Variants in HS3ST3B1 observed in about 807,000 individuals in gnomAD.
HS3ST3B1 encodes the protein heparan sulfate-glucosamine 3-sulfotransferase 3B1.
A neutral mutation model predicts 21.3 loss-of-function variants in HS3ST3B1; 13 were observed. The observed-to-expected ratio is 0.61, with a 90% CI of 0.40 to 0.97. The LOEUF (loss-of-function observed/expected upper bound fraction) is 0.97, where lower values mean the gene tolerates loss of function less well. Ranked by LOEUF, HS3ST3B1 falls within the 50% of genes least tolerant of loss-of-function variation. HS3ST3B1 has a pLI of 0.00. For missense variants in HS3ST3B1, 459 were observed against 554.8 expected, an observed-to-expected ratio of 0.83 and a Z score of 1.73; for synonymous variants, 234 against 254.8, an observed-to-expected ratio of 0.92 and a Z score of 0.78.
In HS3ST3B1 at chr17:14,313,098, GT is replaced by G. The variant is rs1909366158; in HGVS notation, c.554+11027del. Among the ~76,000 whole-genome samples the G allele has an allele frequency of 4.8e-5, 3 of 62,352 alleles. No individual in the cohort carries two copies. In the South Asian group the frequency reaches 2.4e-3, roughly 50 times the overall value. The allele number at this position is 62,352 out of a possible 152,430, so 40.9% of individuals were successfully genotyped here. A position where few individuals can be genotyped will look rare whatever the true frequency, so the allele number is the denominator to read the frequency against. ...ATTATTGTGTGTGTGTGTGTGGTGTGTGTGTGTGTGTATATATATATATATG... is the reference window on the plus strand; with the variant it reads ...ATTATTGTGTGTGTGTGTGTGGTGTGGTGTGTGTGTATATATATATATATG... On this transcript the variant is annotated intron_variant, in intron 1 of 1. Transcript: ENST00000360954.
intron 1 of HS3ST3B1, among the ~76,000 whole-genome samples, chr17:14,335,925 A>G (rs892596466): frequency 1.3e-5 from 2 of 152,236 alleles, no homozygotes; most frequent in African/African-American, 4.8e-5. Context: ...GCATTTGTCA[A>G]AATTCTTGGA....
At chr17:14,316,908 C>T (rs1004221788) in intron 1 of HS3ST3B1, among the ~76,000 whole-genome samples, 2 of 152,254 alleles carry the variant, frequency 1.3e-5, no homozygotes, top group Admixed American at 1.3e-4. Flanking sequence ...CTGGATTTCT[C>T]CTGCAAGCAC....
intron 1 of HS3ST3B1, chr17:14,327,479 G>C (rs561140918): frequency 6.6e-6 from 1 of 152,288 alleles, no homozygotes; most frequent in East Asian, 1.9e-4. Flanking sequence ...GTGTGTTTTT[G>C]CTTAGCATTT....
intron 1 of HS3ST3B1, among the ~76,000 whole-genome samples, chr17:14,323,395 A>T (rs1382875272): frequency 6.6e-6 from 1 of 152,174 alleles, no homozygotes; most frequent in Non-Finnish European, 1.5e-5. Context: ...TATTCTGAAC[A>T]AGTGAAGAAT....
At chr17:14,341,950 T>C (rs1254762795) in intron 1 of HS3ST3B1, among the ~76,000 whole-genome samples, 7 of 152,174 alleles carry the variant, frequency 4.6e-5, no homozygotes, top group Non-Finnish European at 1.0e-4. Flanking sequence ...ATTTAAGTGG[T>C]TAATGGACAA....
At chr17:14,340,476 G>T (rs866384282) in intron 1 of HS3ST3B1, among the ~76,000 whole-genome samples, 1 of 152,092 alleles carries the variant, frequency 6.6e-6, no homozygotes. Context: ...AGGCCAATCT[G>T]TCTCCCCATC....
intron 1 of HS3ST3B1, among the ~76,000 whole-genome samples, chr17:14,307,499 TATA>T (rs1255082528): frequency 1.2e-4 from 18 of 152,194 alleles, no homozygotes; most frequent in Non-Finnish European, 1.5e-5. Context: ...TCTTTTTGTT[TATA>T]ATATGTTGTA....
At chr17:14,313,567 G>A (rs191580796) in intron 1 of HS3ST3B1, among the ~76,000 whole-genome samples, 7 of 152,092 alleles carry the variant, frequency 4.6e-5, no homozygotes, top group South Asian at 2.1e-4. Context: ...ACTTCCCTCC[G>A]TCATTTCTTT....
intron 1 of HS3ST3B1, among the ~76,000 whole-genome samples, chr17:14,310,531 C>T (rs1909273384): frequency 6.6e-6 from 1 of 152,200 alleles, no homozygotes; most frequent in African/African-American, 2.4e-5. Context: ...GCACATAAGA[C>T]GTTGAACATC....
chr17:14,301,358 G>A lies in HS3ST3B1; in HGVS notation c.-161G>A. On this transcript the variant is annotated 5_prime_UTR_variant, in exon 1 of 2. It introduces an in-frame stop codon into an upstream open reading frame of the 5' UTR. Coordinates refer to ENST00000360954, the MANE Select transcript of HS3ST3B1 (RefSeq NM_006041.3). Reference sequence around the variant, plus strand: ...GCCGCTACAGCTGCCGCCGCCACCTGGGGAAGAGCAGCAGCAGCAGCGGCG... The same window carrying A: ...GCCGCTACAGCTGCCGCCGCCACCTAGGGAAGAGCAGCAGCAGCAGCGGCG... 1 of 561,448 alleles carries A rather than the reference G, an allele frequency of 1.8e-6. No homozygotes were observed. 34.8% of individuals were successfully genotyped at this position (561,448 alleles called of 1,614,324 possible).
rs1219807724 is a variant in HS3ST3B1 at position 14,303,849 on chromosome 17, AT to A, written c.554+1781del. The stretch of plus-strand genomic sequence containing the variant: ...CGCCAGAGCCCCGAGGCAGCCTAGG[AT>A]TTTCTGAGATCAGACACACTTGGGC... On this transcript the variant is annotated intron_variant, in intron 1 of 1. Coordinates refer to ENST00000360954, the MANE Select transcript of HS3ST3B1 (RefSeq NM_006041.3). The surrounding 1 kb of genome is among the most constrained non-coding windows in gnomAD (Gnocchi z 5.7). 6.6e-6 allele frequency: 1 copy of A among 152,096 alleles called. No individual in the cohort carries two copies. The highest frequency in any genetic ancestry group is 6.6e-5 in the Admixed American group (1 of 15,262). 9.4% of individuals were successfully genotyped at this position (152,096 alleles called of 1,614,324 possible). A position where few individuals can be genotyped will look rare whatever the true frequency, so the allele number is the denominator to read the frequency against.
At chr17:14,327,732 T>C (rs1229512720) in intron 1 of HS3ST3B1, 2 of 152,212 alleles carry the variant, frequency 1.3e-5, no homozygotes, top group East Asian at 3.9e-4. Context: ...TGCTAGTTGA[T>C]TCATTTTCTT....
chr17:14,315,947 T>C (rs73979312), intron 1 of HS3ST3B1, among the ~76,000 whole-genome samples: 4,983 of 152,256 alleles, frequency 0.033, 286 homozygotes, highest in African/African-American at 0.11. Flanking sequence ...AGTAAATAAA[T>C]GTTTGTTTCA....
chr17:14,309,639 C>T (rs1026766491), intron 1 of HS3ST3B1, among the ~76,000 whole-genome samples: 4 of 152,220 alleles, frequency 2.6e-5, no homozygotes, highest in African/African-American at 4.8e-5. Context: ...GAGCTGCCTT[C>T]GCTTTCCAAG....
intron 1 of HS3ST3B1, among the ~76,000 whole-genome samples, chr17:14,321,290 A>T (rs1005099245): frequency 1.3e-5 from 2 of 152,200 alleles, no homozygotes. Context: ...GAGGCAGCCT[A>T]TTGGATTGAT....
chr17:14,339,589 C>T (rs1431823759), intron 1 of HS3ST3B1, among the ~76,000 whole-genome samples: 1 of 152,214 alleles, frequency 6.6e-6, no homozygotes, highest in Non-Finnish European at 1.5e-5. Flanking sequence ...CTCCTTTAGA[C>T]TCAGTGTCTT....
chr17:14,330,629 A>T (rs1909980787), intron 1 of HS3ST3B1, among the ~76,000 whole-genome samples: 2 of 148,872 alleles, frequency 1.3e-5, no homozygotes, highest in South Asian at 2.1e-4. Context: ...CTCTGTGTTG[A>T]CTGGTGTTGC....
In HS3ST3B1 at chr17:14,345,263, A is replaced by G. The variant is rs1438778021; in HGVS notation, c.790A>G (p.Ile264Val). Residue 264 changes from isoleucine to valine, a missense_variant, in exon 2 of 2, where the codon ATC becomes GTC. Transcript: ENST00000360954. ...GTTCAAAAACAGGACAGCGGGCCTCATCGACACGTCGTGGAGCGCCATCCA... is the reference window on the plus strand; with the variant it reads ...GTTCAAAAACAGGACAGCGGGCCTCGTCGACACGTCGTGGAGCGCCATCCA... ...LTFKNRTAGL[I>V]DTSWSAIQIG... is the part of the protein sequence containing the mutation. 1 of 1,267,440 alleles carries G rather than the reference A, an allele frequency of 7.9e-7. No individual in the cohort carries two copies. Among genetic ancestry groups the G allele is most frequent in the Non-Finnish European group, 1.1e-6 (1 of 898,332 alleles). The allele number at this position is 1,267,440 out of a possible 1,614,324, so 78.5% of individuals were successfully genotyped here.
At chr17:14,327,549 G>A (rs943319690) in intron 1 of HS3ST3B1, 1 of 152,178 alleles carries the variant, frequency 6.6e-6, no homozygotes, top group Non-Finnish European at 1.5e-5. Flanking sequence ...AATGTAATGG[G>A]TGTGATGATA....
Sources: gnomAD v4.1 joint callset for allele counts (sites outside exome capture counted in the v4.1 genomes callset) on GRCh38, gnomAD v4.1.1 for gene constraint, Gnocchi (gnomAD v3.1) non-coding constraint, MANE v1.5 for transcripts, NCBI Gene and HGNC (gene_info 2026-07-23, HGNC 2026-07-21) for gene names.